FGD5: variants seen among roughly 807,000 people sequenced by gnomAD.
FGD5 encodes FYVE, RhoGEF and PH domain containing 5.
Under a neutral mutation model 133.4 loss-of-function variants are expected in FGD5, and 28 were observed. That is an observed-to-expected ratio of 0.21 (90% CI 0.16 to 0.29). The LOEUF (loss-of-function observed/expected upper bound fraction) is 0.29. Among genes scored for constraint, FGD5 ranks in the 10% least tolerant of loss-of-function variants. FGD5 has a pLI of 1.00. For synonymous variants in FGD5, 810 were observed against 776.5 expected (o/e 1.04, Z -0.72); for missense variants, 1,858 against 1,895.2 (o/e 0.98, Z 0.36).
intron 4 of FGD5, among the ~76,000 whole-genome samples, chr3:14,885,418 G>A (rs986037186): frequency 6.6e-6 from 1 of 152,156 alleles, no homozygotes; most frequent in Non-Finnish European, 1.5e-5. Flanking sequence ...CAAACCTTCT[G>A]TCCGCAGGTG....
intron 1 of FGD5, among the ~76,000 whole-genome samples, chr3:14,824,271 C>G (rs1388613847): frequency 1.3e-5 from 2 of 152,222 alleles, no homozygotes; most frequent in African/African-American, 4.8e-5. Context: ...ACGCATATCG[C>G]CAAGAGGCAT....
intron 9 of FGD5, among the ~76,000 whole-genome samples, chr3:14,903,256 A>G (rs1428384810): frequency 6.6e-6 from 1 of 152,224 alleles, no homozygotes; most frequent in Non-Finnish European, 1.5e-5. Context: ...TTTTTAAAAC[A>G]ATGTTTAAAA....
intron 4 of FGD5, among the ~76,000 whole-genome samples, chr3:14,892,998 C>G (rs969312974): frequency 6.6e-6 from 1 of 152,120 alleles, no homozygotes; most frequent in Non-Finnish European, 1.5e-5. Flanking sequence ...GATCTCTGAC[C>G]CTGGGATTTT....
intron 1 of FGD5, among the ~76,000 whole-genome samples, chr3:14,812,001 GGTGTGTGTGT>G (rs10644004): frequency 4.1e-5 from 6 of 145,566 alleles, no homozygotes; most frequent in East Asian, 2.0e-4. Context: ...ATATCCTGCT[GGTGTGTGTGT>G]GTGTGTGTGT....
intron 2 of FGD5, among the ~76,000 whole-genome samples, chr3:14,867,449 C>T (rs1226736647): frequency 6.6e-6 from 1 of 152,194 alleles, no homozygotes; most frequent in African/African-American, 2.4e-5. Context: ...TGAACTTGTT[C>T]ACATACCTCC....
At position 14,827,944 on chromosome 3, in the gene FGD5, C is replaced by G. The variant is rs952353677; in HGVS notation, c.2525+6348C>G. ...CTGCTCCGCCAGCCCAGGGTTGTTA[C>G]AGAGCTGCTTATGGTTGAAATGCAG... On this transcript the variant is annotated intron_variant, in intron 1 of 19. Coordinates refer to ENST00000285046, the MANE Select transcript of FGD5 (RefSeq NM_152536.4). Among the ~76,000 whole-genome samples, 4 of 152,198 alleles carry G rather than the reference C, an allele frequency of 2.6e-5. No homozygotes were observed. The East Asian group carries it at 7.7e-4, about 29-fold the overall frequency.
chr3:14,882,357 A>G, intron 4 of FGD5: 1 of 985,174 alleles, frequency 1.0e-6, no homozygotes, highest in Non-Finnish European at 1.2e-6. Flanking sequence ...AGCCCCTGGT[A>G]ATCCATAATA....
chr3:14,926,229 C>T (rs1329900808), intron 18 of FGD5, 31 bp downstream of exon 18: 20 of 1,610,530 alleles, frequency 1.2e-5, no homozygotes, highest in Non-Finnish European at 1.7e-5. Context: ...CTCCCCTCTC[C>T]TCTCTCCTGT....
chr3:14,865,749 T>A (rs1397473647), intron 2 of FGD5, among the ~76,000 whole-genome samples: 1 of 152,152 alleles, frequency 6.6e-6, no homozygotes, highest in African/African-American at 2.4e-5. Context: ...ACACAGCTAG[T>A]GAATGAAGGG....
chr3:14,872,793 A>G (rs891082609), intron 2 of FGD5, among the ~76,000 whole-genome samples: 3 of 152,258 alleles, frequency 2.0e-5, no homozygotes, highest in Admixed American at 6.5e-5. Context: ...GGAGAAAGTC[A>G]TAGAAATCAG....
intron 1 of FGD5, among the ~76,000 whole-genome samples, chr3:14,825,944 A>T (rs2036589878): frequency 6.6e-6 from 1 of 150,382 alleles, no homozygotes; most frequent in Non-Finnish European, 1.5e-5. Context: ...TTTATTAAAT[A>T]CCTGTTTTTA....
upstream of FGD5, among the ~76,000 whole-genome samples, chr3:14,818,424 G>C (rs2036413630): frequency 1.3e-5 from 2 of 152,206 alleles, no homozygotes; most frequent in Admixed American, 6.5e-5. Flanking sequence ...CCCTCCAGTT[G>C]TTGTAACTCA....
chr3:14,836,658 GCCAAGA>G (rs2036822909), intron 1 of FGD5, among the ~76,000 whole-genome samples: 1 of 152,152 alleles, frequency 6.6e-6, no homozygotes, highest in Admixed American at 6.5e-5. Context: ...GAAACCTGAG[GCCAAGA>G]GGGGAAGAGA....
intron 1 of FGD5, among the ~76,000 whole-genome samples, chr3:14,840,660 G>A (rs1180401236): frequency 1.3e-5 from 2 of 152,122 alleles, no homozygotes; most frequent in Non-Finnish European, 2.9e-5. Flanking sequence ...CCAGCCTTCT[G>A]CTACTCTAAA....
intron 1 of FGD5, among the ~76,000 whole-genome samples, chr3:14,846,569 C>T (rs189142008): frequency 2.0e-5 from 3 of 152,254 alleles, no homozygotes; most frequent in South Asian, 2.1e-4. Flanking sequence ...ACTGCTCACA[C>T]GGCACCCCAG....
rs1559466192 is a variant in FGD5 at position 14,819,359 on chromosome 3, G to A, written c.288G>A (p.Ala96=). The part of the protein sequence containing the change: ...NKALVSPESS[A]EEEEEREEGG... ...CCCTGGTGTCTCCCGAGTCCTCTGC[G>A]GAAGAGGAAGAGGAGCGTGAAGAGG... The change falls in exon 1 of 20, where the codon GCG becomes GCA. Residue 96 remains alanine (A), a synonymous_variant. Coordinates refer to ENST00000285046, the MANE Select transcript of FGD5 (RefSeq NM_152536.4). This position sits in a 1 kb window ranked among gnomAD's most constrained non-coding sequence, Gnocchi z 4.1. 2.2e-5 allele frequency: 34 copies of A among 1,548,500 alleles called. No individual in the cohort carries two copies. Among genetic ancestry groups the A allele is most frequent in the South Asian group, 8.4e-5 (7 of 83,412 alleles).
Position 14,878,953 on chromosome 3 carries a change from C to T in FGD5, c.2659-1619C>T, listed in dbSNP as rs190900243. On this transcript the variant is annotated intron_variant, in intron 2 of 19. Transcript: ENST00000285046. ...CGAACTCTTAACCTCATGTTCCACC[C>T]GCCTTAGCCTCCCAAAGTGCTGGGA... is the stretch of plus-strand genomic sequence containing the variant. Among the ~76,000 whole-genome samples the T allele has an allele frequency of 1.6e-3, 249 of 152,236 alleles. 1 individual carries two copies. The highest frequency in any genetic ancestry group is 0.01 in the Middle Eastern group (3 of 294).
intron 1 of FGD5, among the ~76,000 whole-genome samples, chr3:14,849,588 C>T (rs2037119934): frequency 6.6e-6 from 1 of 152,128 alleles, no homozygotes; most frequent in Non-Finnish European, 1.5e-5. Context: ...TGCTTCTAAC[C>T]CTCACTAAGC....
chr3:14,825,024 T>C (rs554155696), intron 1 of FGD5, among the ~76,000 whole-genome samples: 1 of 152,336 alleles, frequency 6.6e-6, no homozygotes, highest in South Asian at 2.1e-4. Context: ...GATTCAGTGT[T>C]ATTTAAAATC....
Sources: gnomAD v4.1 joint callset for allele counts (sites outside exome capture counted in the v4.1 genomes callset) on GRCh38, gnomAD v4.1.1 for gene constraint, Gnocchi (gnomAD v3.1) non-coding constraint, MANE v1.5 for transcripts, NCBI Gene and HGNC (gene_info 2026-07-23, HGNC 2026-07-21) for gene names.